ENO4: variants seen among roughly 807,000 people sequenced by gnomAD.
ENO4 encodes the protein enolase 4.
In ENO4, 53 loss-of-function variants were observed where a neutral mutation model predicts 63.2. The observed-to-expected ratio is 0.84, with a 90% confidence interval of 0.67 to 1.05. The LOEUF (loss-of-function observed/expected upper bound fraction) is 1.05, where lower values mean the gene tolerates loss of function less well. Ranked by LOEUF, ENO4 falls within the 50% of genes least tolerant of loss-of-function variation. The pLI, the probability that ENO4 is intolerant of heterozygous loss-of-function variation, is 0.00. For synonymous variants in ENO4, 266 were observed against 283.8 expected (o/e 0.94, Z 0.63); for missense variants, 719 against 772.0 (o/e 0.93, Z 0.81).
chr10:116,849,697 T>C lies in ENO4; in HGVS notation c.131T>C (p.Phe44Ser), dbSNP rs1308441051. Residue 44 changes from phenylalanine to serine, a missense_variant, in exon 1 of 14, where the codon TTC (phenylalanine) becomes TCC (serine). Coordinates refer to ENST00000341276, the MANE Select transcript of ENO4 (RefSeq NM_001242699.2). The stretch of plus-strand genomic sequence containing the variant: ...CTGGAAGAGCTGCTCAACTCCACCT[T>C]CTACCTCCAGCCTGCCGACGTCTAC... Reference protein sequence around the residue: ...RRLEELLNSTFYLQPADVYGH... With the variant: ...RRLEELLNSTSYLQPADVYGH... The C allele has an allele frequency of 3.9e-6, 6 of 1,543,624 alleles. No individual in the cohort carries two copies. The highest frequency in any genetic ancestry group is 1.8e-4 in the Middle Eastern group (1 of 5,704).
intron 11 of ENO4, among the ~76,000 whole-genome samples, chr10:116,877,577 T>C (rs1846875620): frequency 6.6e-6 from 1 of 151,888 alleles, no homozygotes; most frequent in Non-Finnish European, 1.5e-5. Flanking sequence ...ACATGCAGCA[T>C]GAGGAAGCTG....
chr10:116,849,859 C>T, intron 1 of ENO4, 128 bp downstream of exon 1: 4 of 1,099,948 alleles, frequency 3.6e-6, no homozygotes, highest in Non-Finnish European at 5.3e-6. Flanking sequence ...CCTGGGCCTG[C>T]GTGTGCGGAG....
At chr10:116,890,955 T>C (rs1383392594) in intron 10 of ENO4, among the ~76,000 whole-genome samples, 2 of 152,240 alleles carry the variant, frequency 1.3e-5, no homozygotes, top group Admixed American at 1.3e-4. Flanking sequence ...AAATCAACTT[T>C]CCACGTTCCA....
chr10:116,852,205 G>C (rs1237665735), intron 1 of ENO4, among the ~76,000 whole-genome samples: 1 of 152,152 alleles, frequency 6.6e-6, no homozygotes, highest in African/African-American at 2.4e-5. Context: ...CACCATGATT[G>C]TAAGTTTCCT....
intron 11 of ENO4, 29 bp downstream of exon 11, chr10:116,876,289 C>T (rs11197840): frequency 2.7e-6 from 4 of 1,481,774 alleles, no homozygotes; most frequent in Admixed American, 2.4e-5. Flanking sequence ...CTGAAAGACT[C>T]GTAATGACTT....
chr10:116,866,170 A>C (rs998424526), intron 7 of ENO4, among the ~76,000 whole-genome samples: 3 of 152,222 alleles, frequency 2.0e-5, no homozygotes, highest in Non-Finnish European at 4.4e-5. Flanking sequence ...TTTATATCTT[A>C]ATTTCACCTG....
intron 10 of ENO4, among the ~76,000 whole-genome samples, chr10:116,875,420 A>AC (rs1239153260): frequency 6.6e-6 from 1 of 152,076 alleles, no homozygotes; most frequent in African/African-American, 2.4e-5. Flanking sequence ...ATCACAGCTC[A>AC]CTGCAGCCTT....
intron 10 of ENO4, among the ~76,000 whole-genome samples, chr10:116,906,418 CA>C (rs1847974724): frequency 6.6e-6 from 1 of 152,184 alleles, no homozygotes; most frequent in African/African-American, 2.4e-5. Context: ...TGGTTACCTA[CA>C]AATAAGTAAA....
rs761717176 is a variant in ENO4 at position 116,859,116 on chromosome 10, C to CA, written c.620dup (p.Gln209AlafsTer21). The CA allele has an allele frequency of 5.4e-5, 82 of 1,518,428 alleles. No homozygotes were observed. Among genetic ancestry groups the CA allele is most frequent in the Admixed American group, 2.1e-4 (10 of 48,326 alleles). The allele number at this position is 1,518,428 out of a possible 1,614,324, so 94.1% of individuals were successfully genotyped here. A position where few individuals can be genotyped will look rare whatever the true frequency, so the allele number is the denominator to read the frequency against. Reference sequence around the variant, plus strand: ...CACCACCACCCCCTCCACCTCCTACCAAAAAAAAGGGGCAAAAGCCAGGTT... The same window carrying CA: ...CACCACCACCCCCTCCACCTCCTACCAAAAAAAAAGGGGCAAAAGCCAGGTT... On this transcript the variant is annotated frameshift_variant, in exon 4 of 14. Coordinates refer to ENST00000341276, the MANE Select transcript of ENO4 (RefSeq NM_001242699.2). LOFTEE classifies it high-confidence loss of function.
intron 3 of ENO4, 52 bp downstream of exon 3, chr10:116,856,734 G>C (rs1846269988): frequency 7.1e-7 from 1 of 1,415,244 alleles, no homozygotes; most frequent in Non-Finnish European, 9.3e-7. Context: ...GGGCACAGTG[G>C]CTCACGCCTG....
At chr10:116,898,154 C>T (rs1317310393) in intron 10 of ENO4, among the ~76,000 whole-genome samples, 1 of 151,868 alleles carries the variant, frequency 6.6e-6, no homozygotes, top group South Asian at 2.1e-4. Flanking sequence ...ATAGTGAAAC[C>T]GCGTCTCTAC....
chr10:116,850,288 G>C, intron 1 of ENO4: 1 of 168,054 alleles, frequency 6.0e-6, no homozygotes, highest in South Asian at 1.4e-4. Context: ...TGCCCACGTA[G>C]CCCTGGACCA....
intron 1 of ENO4, among the ~76,000 whole-genome samples, chr10:116,851,129 GTATAATGATCTTCTTATTCTAT>G (rs1334932546): frequency 1.3e-5 from 2 of 152,200 alleles, no homozygotes; most frequent in Non-Finnish European, 2.9e-5. Flanking sequence ...TTGTTCCCCA[GTATAATGATCTTCTTATTCTAT>G]TAGGCAGCCA....
chr10:116,855,622 G>A lies in ENO4; in HGVS notation c.166-1G>A. On this transcript the variant is annotated splice_acceptor_variant, in intron 1 of 13. Coordinates refer to ENST00000341276, the MANE Select transcript of ENO4 (RefSeq NM_001242699.2). LOFTEE classifies it high-confidence loss of function. ...TTTTTGTTCTTTTGTGTGTGTTGAA[G>A]GCAAACTGCTTTTCTAAACTTGCAA... is the stretch of plus-strand genomic sequence containing the variant. The A allele has an allele frequency of 6.5e-7, 1 of 1,536,028 alleles. No individual in the cohort carries two copies. The highest frequency in any genetic ancestry group is 8.7e-7 in the Non-Finnish European group (1 of 1,146,856).
chr10:116,861,232 AAAAAATATATAT>A, intron 6 of ENO4, 42 bp downstream of exon 6: 1 of 514,090 alleles, frequency 1.9e-6, no homozygotes, highest in Non-Finnish European at 2.8e-6. Context: ...AAAAAAAAAA[AAAAAATATATAT>A]ATATATATAT....
chr10:116,878,740 A>ATTTT (rs1554903491), intron 11 of ENO4, among the ~76,000 whole-genome samples: 1 of 63,542 alleles, frequency 1.6e-5, no homozygotes, highest in African/African-American at 4.6e-5. Context: ...CAAATCATAT[A>ATTTT]TCTTTTTTTT....
chr10:116,864,857 TA>T (rs1846510758), intron 7 of ENO4, among the ~76,000 whole-genome samples: 1 of 151,968 alleles, frequency 6.6e-6, no homozygotes, highest in Non-Finnish European at 1.5e-5. Flanking sequence ...CCGTCTCTAC[TA>T]AAAATACAAA....
chr10:116,901,370 G>A lies in ENO4; in HGVS notation c.1195-10129G>A, dbSNP rs1050493032. 33 of 984,850 alleles carry A rather than the reference G, an allele frequency of 3.4e-5. No individual in the cohort carries two copies. In the African/African-American group the frequency reaches 3.8e-4, roughly 11 times the overall value. 61.0% of individuals were successfully genotyped at this position (984,850 alleles called of 1,614,324 possible). On this transcript the variant is annotated intron_variant, in intron 10 of 10. Coordinates refer to the ENO4 transcript ENST00000369207. ...GACTAGAAAAGAAGGTTGTAAAAAC[G>A]TGCCCTTCTAAGTAGTCTCTGAAAG...
intron 8 of ENO4, among the ~76,000 whole-genome samples, chr10:116,870,571 A>T (rs1372215049): frequency 1.3e-5 from 2 of 152,170 alleles, no homozygotes; most frequent in African/African-American, 4.8e-5. Flanking sequence ...AGCCTGGGGA[A>T]GTCGAGGCTG....
Sources: gnomAD v4.1 joint callset for allele counts (sites outside exome capture counted in the v4.1 genomes callset) on GRCh38, gnomAD v4.1.1 for gene constraint, MANE v1.5 for transcripts, NCBI Gene and HGNC (gene_info 2026-07-23, HGNC 2026-07-21) for gene names.